TLK1: variants seen among roughly 807,000 people sequenced by gnomAD.
TLK1 encodes tousled like kinase 1.
Under a neutral mutation model 105.3 loss-of-function variants are expected in TLK1, and 24 were observed. That is an observed-to-expected ratio of 0.23 (90% confidence interval 0.17 to 0.32). TLK1 has a LOEUF of 0.32. TLK1 is among the 10% of genes least tolerant of loss of function. The pLI is 1.00. For synonymous variants in TLK1, 321 were observed against 310.4 expected (o/e 1.03, Z -0.36); for missense variants, 558 against 910.5 (o/e 0.61, Z 4.98).
At chr2:171,119,289 T>C (rs1690556050) in intron 1 of TLK1, among the ~76,000 whole-genome samples, 2 of 152,218 alleles carry the variant, frequency 1.3e-5, no homozygotes, top group Non-Finnish European at 2.9e-5. Flanking sequence ...TATTCCTTTA[T>C]TGAGAGGAAA....
intron 12 of TLK1, among the ~76,000 whole-genome samples, chr2:171,027,992 C>T (rs1463832921): frequency 1.3e-5 from 2 of 151,990 alleles, no homozygotes; most frequent in Non-Finnish European, 2.9e-5. Context: ...GCGAAACCCT[C>T]ACTCTACTAA....
upstream of TLK1, among the ~76,000 whole-genome samples, chr2:171,164,616 T>G (rs1029512448): frequency 2.0e-5 from 3 of 152,260 alleles, no homozygotes; most frequent in African/African-American, 7.2e-5. Context: ...AATCATGTAT[T>G]TCTTTTTATA....
chr2:171,145,777 G>C (rs1037115495), intron 1 of TLK1, among the ~76,000 whole-genome samples: 4 of 152,084 alleles, frequency 2.6e-5, no homozygotes, highest in Non-Finnish European at 4.4e-5. Flanking sequence ...AAAATAATGT[G>C]GATGAATCTT....
chr2:171,104,331 GAAATA>G (rs1047099922), intron 2 of TLK1, among the ~76,000 whole-genome samples: 1 of 149,260 alleles, frequency 6.7e-6, no homozygotes. Flanking sequence ...AACAAAAGTA[GAAATA>G]AACGTAACCA....
intron 2 of TLK1, among the ~76,000 whole-genome samples, chr2:171,109,309 G>C (rs1025583269): frequency 1.3e-5 from 2 of 152,090 alleles, no homozygotes; most frequent in Non-Finnish European, 2.9e-5. Flanking sequence ...ACAACAAAAA[G>C]ATAGCTCAAA....
chr2:171,168,281 G>A (rs1692647223), intron 1 of TLK1, among the ~76,000 whole-genome samples: 1 of 151,986 alleles, frequency 6.6e-6, no homozygotes, highest in Admixed American at 6.6e-5. Flanking sequence ...ACATGGCAAA[G>A]GAGACATATA....
At chr2:171,081,544 A>C in intron 3 of TLK1, 1 of 733,812 alleles carries the variant, frequency 1.4e-6, no homozygotes, top group Non-Finnish European at 1.9e-6. Flanking sequence ...CTTTGACTAG[A>C]GCTAAACCTA....
At chr2:171,055,060 A>C in intron 7 of TLK1, 23 bp downstream of exon 7, 1 of 1,378,272 alleles carries the variant, frequency 7.3e-7, no homozygotes, top group Non-Finnish European at 9.6e-7. Flanking sequence ...GCCATAGAAA[A>C]AAACATTTTA....
At chr2:171,121,628 AAAC>A (rs1377538653) in intron 1 of TLK1, among the ~76,000 whole-genome samples, 4 of 152,250 alleles carry the variant, frequency 2.6e-5, no homozygotes, top group African/African-American at 7.2e-5. Flanking sequence ...ATGAAAAGGT[AAAC>A]AACAGATTGG....
chr2:171,192,879 G>T (rs913242554), intron 1 of TLK1, among the ~76,000 whole-genome samples: 1 of 152,142 alleles, frequency 6.6e-6, no homozygotes, highest in Non-Finnish European at 1.5e-5. Context: ...GTTCACAAGA[G>T]AGGATTATTC....
chr2:171,098,735 A>C (rs1008128957), intron 2 of TLK1, among the ~76,000 whole-genome samples: 3 of 152,214 alleles, frequency 2.0e-5, no homozygotes, highest in Admixed American at 2.0e-4. Context: ...AATACTAGCA[A>C]ACCAAATCCA....
intron 1 of TLK1, among the ~76,000 whole-genome samples, chr2:171,137,390 T>G (rs1238714274): frequency 6.6e-6 from 1 of 152,048 alleles, no homozygotes; most frequent in African/African-American, 2.4e-5. Flanking sequence ...ATCAACAAAT[T>G]AAAATGTTGA....
At chr2:171,102,699 T>C (rs1289051871) in intron 2 of TLK1, among the ~76,000 whole-genome samples, 1 of 152,194 alleles carries the variant, frequency 6.6e-6, no homozygotes, top group African/African-American at 2.4e-5. Flanking sequence ...ACTTAGTCCT[T>C]AAAAAACGTC....
intron 1 of TLK1, among the ~76,000 whole-genome samples, chr2:171,217,792 T>C (rs978316765): frequency 1.3e-5 from 2 of 152,252 alleles, no homozygotes; most frequent in African/African-American, 4.8e-5. Context: ...ATGGTCTTAT[T>C]TTTATAAAGC....
chr2:171,061,614 C>T (rs1441462421), intron 3 of TLK1, among the ~76,000 whole-genome samples: 1 of 152,138 alleles, frequency 6.6e-6, no homozygotes, highest in Admixed American at 6.5e-5. Flanking sequence ...TATACACAAT[C>T]CCTACTAAAA....
At chr2:171,072,457 CA>C (rs532579065) in intron 3 of TLK1, among the ~76,000 whole-genome samples, 5 of 151,834 alleles carry the variant, frequency 3.3e-5, no homozygotes, top group Non-Finnish European at 1.5e-5. Flanking sequence ...ACTAAAAGTA[CA>C]AAAAAATTAG....
chr2:171,012,712 T>C (rs1684978437), intron 13 of TLK1, among the ~76,000 whole-genome samples: 1 of 152,102 alleles, frequency 6.6e-6, no homozygotes, highest in Non-Finnish European at 1.5e-5. Flanking sequence ...CTCCTGGCCT[T>C]GTGATCCGCC....
chr2:171,147,685 T>C (rs1430300178), intron 1 of TLK1, among the ~76,000 whole-genome samples: 2 of 152,224 alleles, frequency 1.3e-5, no homozygotes, highest in Non-Finnish European at 2.9e-5. Flanking sequence ...TTGACTTAGA[T>C]GGTCTGTTTC....
At chr2:171,145,979 C>T (rs1691776426) in intron 1 of TLK1, among the ~76,000 whole-genome samples, 1 of 151,560 alleles carries the variant, frequency 6.6e-6, no homozygotes, top group Non-Finnish European at 1.5e-5. Flanking sequence ...TCTCAGTGGT[C>T]GTTACACAGG....
Sources: gnomAD v4.1 joint callset for allele counts (sites outside exome capture counted in the v4.1 genomes callset) on GRCh38, gnomAD v4.1.1 for gene constraint, MANE v1.5 for transcripts, NCBI Gene and HGNC (gene_info 2026-07-23, HGNC 2026-07-21) for gene names.